Variants in CCSER1 observed in about 807,000 individuals in gnomAD.
CCSER1 encodes the protein serine-rich coiled-coil domain-containing protein 1.
In CCSER1, 41 loss-of-function variants were observed where a neutral mutation model predicts 82.0. The ratio of observed to expected loss-of-function variants is 0.50; its 90% CI spans 0.39 to 0.65. The LOEUF (loss-of-function observed/expected upper bound fraction) is 0.65, where lower values mean the gene tolerates loss of function less well. CCSER1 is among the 30% of genes least tolerant of loss of function. The pLI is 0.00. For missense variants in CCSER1, 1,119 were observed against 1,064.2 expected (o/e 1.05, Z -0.72); for synonymous variants, 414 against 383.9 (o/e 1.08, Z -0.92).
chr4:91,426,650 A>G lies in CCSER1; in HGVS notation c.2218-171922A>G, dbSNP rs901778934. 5.7e-4 allele frequency among the ~76,000 whole-genome samples: 87 copies of G among 152,276 alleles called. 1 individual carries two copies. Among genetic ancestry groups the G allele is most frequent in the African/African-American group, 2.1e-3 (86 of 41,564 alleles). ...TTCAATTTGAAACCTATATGATAAAATGTGTGCAATTTTAAGAGTATTTTT... is the reference window on the plus strand; with the variant it reads ...TTCAATTTGAAACCTATATGATAAAGTGTGTGCAATTTTAAGAGTATTTTT... On this transcript the variant is annotated intron_variant, in intron 10 of 10. Transcript: ENST00000509176.
chr4:90,479,820 A>G (rs1765658056), intron 5 of CCSER1, among the ~76,000 whole-genome samples: 1 of 152,208 alleles, frequency 6.6e-6, no homozygotes, highest in African/African-American at 2.4e-5. Context: ...TATTGTGAAT[A>G]GTGCCGCAAT....
intron 10 of CCSER1, among the ~76,000 whole-genome samples, chr4:91,531,353 A>C (rs915349909): frequency 1.3e-5 from 2 of 152,236 alleles, no homozygotes; most frequent in Non-Finnish European, 2.9e-5. Flanking sequence ...GGAATATAGT[A>C]GTTGAAGTTT....
intron 6 of CCSER1, among the ~76,000 whole-genome samples, chr4:90,697,038 G>A (rs1737110092): frequency 6.6e-6 from 1 of 152,162 alleles, no homozygotes; most frequent in Non-Finnish European, 1.5e-5. Flanking sequence ...ATTCTGGGAT[G>A]AGATAAGAGA....
intron 10 of CCSER1, among the ~76,000 whole-genome samples, chr4:91,402,104 T>C (rs1225865214): frequency 1.3e-5 from 2 of 152,224 alleles, no homozygotes; most frequent in Non-Finnish European, 2.9e-5. Context: ...TGGTGTGAGA[T>C]GGTATCTCAT....
intron 10 of CCSER1, among the ~76,000 whole-genome samples, chr4:91,160,252 T>G (rs1731246848): frequency 6.6e-6 from 1 of 152,206 alleles, no homozygotes; most frequent in South Asian, 2.1e-4. Flanking sequence ...TGCATAGTAT[T>G]CCATGATGTA....
At chr4:90,845,277 G>A (rs772046961) in intron 8 of CCSER1, among the ~76,000 whole-genome samples, 4 of 150,306 alleles carry the variant, frequency 2.7e-5, no homozygotes, top group Non-Finnish European at 4.4e-5. Flanking sequence ...CAGAAAAATC[G>A]CTAGAACCTG....
rs114967520 is a variant in CCSER1, at chr4:90,794,700, T to A, written c.2011-21062T>A. Among the ~76,000 whole-genome samples, 714 of 152,308 alleles carry A rather than the reference T, an allele frequency of 4.7e-3. 5 individuals carry two copies. Among genetic ancestry groups the A allele is most frequent in the African/African-American group, 0.017 (689 of 41,572 alleles). The stretch of plus-strand genomic sequence containing the variant: ...TTTAAAATAGCATTTTCTGGTTCTG[T>A]GAAGAATGTCAGTGGTAGATTAATA... On this transcript the variant is annotated intron_variant, in intron 7 of 10. Coordinates refer to ENST00000509176, the MANE Select transcript of CCSER1 (RefSeq NM_001145065.2).
At chr4:91,056,243 G>T (rs781666408) in intron 9 of CCSER1, among the ~76,000 whole-genome samples, 2 of 151,830 alleles carry the variant, frequency 1.3e-5, no homozygotes, top group African/African-American at 4.8e-5. Flanking sequence ...TTTACCATTT[G>T]TTATATGCTA....
At chr4:91,099,670 G>A (rs1200004157) in intron 10 of CCSER1, among the ~76,000 whole-genome samples, 6 of 152,138 alleles carry the variant, frequency 3.9e-5, no homozygotes, top group Non-Finnish European at 8.8e-5. Flanking sequence ...AGCAGGGGGT[G>A]GGGTGGGGAC....
At chr4:90,329,878 T>C (rs1467349903) in intron 3 of CCSER1, among the ~76,000 whole-genome samples, 1 of 152,118 alleles carries the variant, frequency 6.6e-6, no homozygotes, top group African/African-American at 2.4e-5. Context: ...TAAATACAAG[T>C]TTAACCATTG....
chr4:90,309,986 G>T lies in CCSER1; in HGVS notation c.1324+378G>T, dbSNP rs190328972. 8.0e-3 allele frequency among the ~76,000 whole-genome samples: 1,209 copies of T among 151,902 alleles called. 8 individuals are homozygous for T. Among genetic ancestry groups the T allele is most frequent in the African/African-American group, 0.014 (570 of 41,460 alleles). On this transcript the variant is annotated intron_variant, in intron 2 of 10. Transcript: ENST00000509176. ...TTATAGAGTTTATTATAGAGGCATT[G>T]GTATTTCTTATTTAATGAAATGGAT...
At chr4:90,385,528 C>G (rs1749898499) in intron 3 of CCSER1, among the ~76,000 whole-genome samples, 1 of 149,486 alleles carries the variant, frequency 6.7e-6, no homozygotes, top group East Asian at 2.0e-4. Flanking sequence ...GGCGCGATCT[C>G]TGCTCACTGC....
intron 9 of CCSER1, among the ~76,000 whole-genome samples, chr4:90,992,289 G>A (rs1055477156): frequency 6.6e-6 from 1 of 152,000 alleles, no homozygotes; most frequent in Non-Finnish European, 1.5e-5. Flanking sequence ...GATACATCGA[G>A]TGGGAATTCT....
intron 10 of CCSER1, among the ~76,000 whole-genome samples, chr4:91,325,799 AAAG>A (rs780894103): frequency 1.3e-5 from 2 of 152,214 alleles, no homozygotes; most frequent in Non-Finnish European, 2.9e-5. Flanking sequence ...CACAACAGAC[AAAG>A]AAAAAAGAGT....
chr4:91,082,168 T>A (rs1296447663), intron 9 of CCSER1, among the ~76,000 whole-genome samples: 2 of 152,108 alleles, frequency 1.3e-5, no homozygotes, highest in Non-Finnish European at 2.9e-5. Flanking sequence ...CAAAGTATAC[T>A]ACAAGGCTAC....
chr4:91,280,157 TC>T lies in CCSER1; in HGVS notation c.2217+194165del, dbSNP rs1399418493. On this transcript the variant is annotated intron_variant, in intron 10 of 10. Transcript: ENST00000509176. ...AGGAGTGGCAGGACAAGCATGCCTGTCCTTGAGCCCCAAAGCAGTAATGCTG... is the reference window on the plus strand; with the variant it reads ...AGGAGTGGCAGGACAAGCATGCCTGTCTTGAGCCCCAAAGCAGTAATGCTG... 4.6e-5 allele frequency among the ~76,000 whole-genome samples: 7 copies of T among 152,352 alleles called. No homozygotes were observed. The East Asian group carries it at 5.8e-4, about 13-fold the overall frequency.
At chr4:91,379,493 G>A (rs1298717067) in intron 10 of CCSER1, among the ~76,000 whole-genome samples, 1 of 152,138 alleles carries the variant, frequency 6.6e-6, no homozygotes, top group Non-Finnish European at 1.5e-5. Flanking sequence ...GGGTGTATGT[G>A]TCCAGGAGTT....
chr4:90,964,310 T>A (rs1163465519), intron 9 of CCSER1, among the ~76,000 whole-genome samples: 1 of 152,184 alleles, frequency 6.6e-6, no homozygotes, highest in East Asian at 1.9e-4. Context: ...AACAGATATG[T>A]ATTTTTAACA....
chr4:90,140,172 T>C (rs543070573), intron 1 of CCSER1, among the ~76,000 whole-genome samples: 7 of 152,316 alleles, frequency 4.6e-5, no homozygotes, highest in Non-Finnish European at 8.8e-5. Context: ...ATATACATAA[T>C]AAAAACTATG....
Sources: allele counts gnomAD v4.1 joint callset (sites outside exome capture counted in the v4.1 genomes callset), GRCh38; gene constraint gnomAD v4.1.1; transcripts MANE v1.5; gene names NCBI Gene and HGNC (gene_info 2026-07-23, HGNC 2026-07-21).